Variants in OR8B2 observed in about 807,000 individuals in gnomAD.
OR8B2 encodes olfactory receptor 8B2.
For synonymous variants in OR8B2, 98 were observed against 138.2 expected, an observed-to-expected ratio of 0.71 and a Z score of 2.04; for missense variants, 304 against 379.6, an observed-to-expected ratio of 0.80 and a Z score of 1.65.
chr11:124,383,445 G>A, intron 1 of OR8B2, 85 bp from the exon 2 acceptor site: 2 of 1,190,516 alleles, frequency 1.7e-6, no homozygotes, highest in Non-Finnish European at 2.4e-6. Flanking sequence ...CAGGCTGTAG[G>A]AATTTGGGTG....
At chr11:124,396,528 A>G in the OR8B2 span, 15 of 1,614,076 alleles carry the variant, frequency 9.3e-6, no homozygotes, top group South Asian at 1.6e-4. Flanking sequence ...AGTGTAGAAA[A>G]CAGAAGAAAC....
upstream of OR8B2, among the ~76,000 whole-genome samples, chr11:124,386,739 G>A (rs924091796): frequency 1.1e-4 from 16 of 152,080 alleles, no homozygotes; most frequent in Admixed American, 2.0e-4. Context: ...TGTCTTTATA[G>A]CAGCATGATT....
the OR8B2 span, among the ~76,000 whole-genome samples, chr11:124,393,928 A>C: frequency 5.0e-4 from 75 of 151,450 alleles, 1 homozygote; most frequent in South Asian, 5.3e-3. Context: ...TGCAGCCATA[A>C]AAAATGATGA....
rs1055074590 is a variant in OR8B2, at chr11:124,383,485, C to T, written c.-17-125G>A. 7.1e-6 allele frequency: 6 copies of T among 839,370 alleles called. No individual in the cohort carries two copies. The Middle Eastern group carries it at 1.0e-3, about 145-fold the overall frequency. 52.0% of individuals were successfully genotyped at this position (839,370 alleles called of 1,614,324 possible). A position where few individuals can be genotyped will look rare whatever the true frequency, so the allele number is the denominator to read the frequency against. Reference sequence around the variant, plus strand: ...CTTTGTTTCATGGGATCTGAATGTACTGAATGTACTGCCACTCCCACTCCT... The same window carrying T: ...CTTTGTTTCATGGGATCTGAATGTATTGAATGTACTGCCACTCCCACTCCT... On this transcript the variant is annotated intron_variant, in intron 1 of 1. Transcript: ENST00000641451.
upstream of OR8B2, among the ~76,000 whole-genome samples, chr11:124,385,568 T>C (rs1860686157): frequency 6.8e-6 from 1 of 146,666 alleles, no homozygotes; most frequent in Non-Finnish European, 1.5e-5. Flanking sequence ...TATGTACCTA[T>C]TTATGTAACA....
At chr11:124,394,260 AAAATAAAT>A in the OR8B2 span, among the ~76,000 whole-genome samples, 3,964 of 149,556 alleles carry the variant, frequency 0.027, 122 homozygotes, top group African/African-American at 0.07. Context: ...AATAATAATA[AAAATAAAT>A]AAATAAATAA....
chr11:124,393,823 C>T, the OR8B2 span, among the ~76,000 whole-genome samples: 1 of 151,072 alleles, frequency 6.6e-6, no homozygotes, highest in Non-Finnish European at 1.5e-5. Context: ...TATTGTGGCA[C>T]TATTCACAAT....
the OR8B2 span, chr11:124,397,169 A>G: frequency 1.2e-6 from 2 of 1,612,648 alleles, no homozygotes; most frequent in East Asian, 4.5e-5. Flanking sequence ...TGAAGAGGAA[A>G]TAGTACATTG....
At chr11:124,397,006 T>C in the OR8B2 span, 6 of 1,613,668 alleles carry the variant, frequency 3.7e-6, no homozygotes. Context: ...GCCATTGAGG[T>C]CAACATGTAA....
the OR8B2 span, among the ~76,000 whole-genome samples, chr11:124,391,026 G>T: frequency 0.37 from 56,865 of 151,950 alleles, 11,578 homozygotes; most frequent in African/African-American, 0.56. Context: ...CTGTTCCTTG[G>T]TCAACAATCA....
chr11:124,388,448 A>C (rs147316014), upstream of OR8B2, among the ~76,000 whole-genome samples: 3 of 152,274 alleles, frequency 2.0e-5, no homozygotes, highest in Non-Finnish European at 4.4e-5. Flanking sequence ...AAGAATACAG[A>C]CAATGCATTG....
At chr11:124,387,408 T>G (rs1464384750), upstream of OR8B2, among the ~76,000 whole-genome samples, 2 of 152,260 alleles carry the variant, frequency 1.3e-5, no homozygotes, top group African/African-American at 4.8e-5. Context: ...CATTTAAGTC[T>G]TTAATCCATC....
chr11:124,383,474 A>C, intron 1 of OR8B2, 114 bp from the exon 2 acceptor site: 1 of 981,344 alleles, frequency 1.0e-6, no homozygotes, highest in Non-Finnish European at 1.5e-6. Context: ...GTTTCATGGG[A>C]TCTGAATGTA....
chr11:124,395,526 T>C, the OR8B2 span: 4 of 152,182 alleles, frequency 2.6e-5, no homozygotes, highest in Non-Finnish European at 5.9e-5. Flanking sequence ...ACAAACCACA[T>C]TGGATAAGTA....
chr11:124,389,641 T>A, the OR8B2 span, among the ~76,000 whole-genome samples: 2 of 152,190 alleles, frequency 1.3e-5, no homozygotes, highest in Non-Finnish European at 2.9e-5. Context: ...AAAAATTGAT[T>A]GTTAAAAATC....
chr11:124,386,828 G>A (rs1465290758), upstream of OR8B2, among the ~76,000 whole-genome samples: 2 of 151,962 alleles, frequency 1.3e-5, no homozygotes, highest in African/African-American at 2.4e-5. Flanking sequence ...CTGAGGAATG[G>A]CCACACTGAC....
At chr11:124,391,538 G>C in the OR8B2 span, among the ~76,000 whole-genome samples, 1 of 151,608 alleles carries the variant, frequency 6.6e-6, no homozygotes, top group Non-Finnish European at 1.5e-5. Context: ...ATTCCTCGAC[G>C]CATACACTCT....
chr11:124,386,508 T>C (rs1366089816), upstream of OR8B2, among the ~76,000 whole-genome samples: 1 of 147,336 alleles, frequency 6.8e-6, no homozygotes, highest in Non-Finnish European at 1.5e-5. Context: ...ATACGTGGTG[T>C]TTGGTTTTTT....
chr11:124,384,253 A>G (rs1219903684), intron 1 of OR8B2, 121 bp downstream of exon 1: 1 of 152,222 alleles, frequency 6.6e-6, no homozygotes, highest in Non-Finnish European at 1.5e-5. Context: ...GAACAGTGTG[A>G]GAAAAATGCA....
Sources: allele counts gnomAD v4.1 joint callset (sites outside exome capture counted in the v4.1 genomes callset), GRCh38; gene constraint gnomAD v4.1.1; transcripts MANE v1.5; gene names NCBI Gene and HGNC (gene_info 2026-07-23, HGNC 2026-07-21).